PRPH2: variants seen among roughly 807,000 people sequenced by gnomAD.
PRPH2 encodes the protein peripherin 2.
PRPH2 carries 17 observed loss-of-function variants against 31.3 expected under a neutral mutation model. That is an observed-to-expected ratio of 0.54 (90% CI 0.37 to 0.81). The LOEUF is 0.81. PRPH2 is among the 40% of genes least tolerant of loss of function. The probability of loss-of-function intolerance (pLI) is 0.00; values close to 1 mark genes in which losing one functional copy is unlikely to be tolerated. For synonymous variants in PRPH2, 165 were observed against 184.4 expected (o/e 0.89, Z 0.85); for missense variants, 430 against 439.7 (o/e 0.98, Z 0.20).
At chr6:42,703,127 A>G (rs922837165) in intron 2 of PRPH2, among the ~76,000 whole-genome samples, 6 of 145,800 alleles carry the variant, frequency 4.1e-5, no homozygotes, top group Non-Finnish European at 6.0e-5. Flanking sequence ...CCAGGAGTTC[A>G]AGGCTGCAGT....
At chr6:42,698,590 T>C in intron 2 of PRPH2, 83 bp from the exon 3 acceptor site, 2 of 1,576,218 alleles carry the variant, frequency 1.3e-6, no homozygotes, top group Non-Finnish European at 8.6e-7. Flanking sequence ...GAGCCTCAAA[T>C]TGAGGGTCCC....
chr6:42,721,548 G>C (rs1366930204), intron 1 of PRPH2, among the ~76,000 whole-genome samples: 1 of 152,148 alleles, frequency 6.6e-6, no homozygotes, highest in Non-Finnish European at 1.5e-5. Context: ...ACCCTATGAA[G>C]TTGTCATTTT....
chr6:42,702,850 A>G (rs775118196), intron 2 of PRPH2, among the ~76,000 whole-genome samples: 21 of 151,782 alleles, frequency 1.4e-4, no homozygotes, highest in Admixed American at 2.6e-4. Context: ...AGCCTGGGTG[A>G]CAGAGCAAGA....
At chr6:42,710,330 C>T (rs1349686783) in intron 1 of PRPH2, among the ~76,000 whole-genome samples, 1 of 152,214 alleles carries the variant, frequency 6.6e-6, no homozygotes, top group Non-Finnish European at 1.5e-5. Context: ...TGGGAACTTC[C>T]CAGTGTATTC....
chr6:42,714,234 A>AG (rs1349534406), intron 1 of PRPH2, among the ~76,000 whole-genome samples: 2 of 152,222 alleles, frequency 1.3e-5, no homozygotes, highest in Admixed American at 6.5e-5. Context: ...AAGTGAAAGA[A>AG]GGCAGACACA....
intron 1 of PRPH2, among the ~76,000 whole-genome samples, chr6:42,716,176 C>T (rs1198895734): frequency 6.6e-6 from 1 of 152,092 alleles, no homozygotes; most frequent in African/African-American, 2.4e-5. Flanking sequence ...GATCGCTTCC[C>T]CACAGTCCTC....
chr6:42,716,088 A>G (rs1275883464), intron 1 of PRPH2, among the ~76,000 whole-genome samples: 1 of 152,192 alleles, frequency 6.6e-6, no homozygotes, highest in East Asian at 1.9e-4. Flanking sequence ...GACACCGCCC[A>G]TGCCCAGTCT....
chr6:42,701,161 G>T (rs183285293), intron 2 of PRPH2, among the ~76,000 whole-genome samples: 1 of 151,748 alleles, frequency 6.6e-6, no homozygotes, highest in Non-Finnish European at 1.5e-5. Flanking sequence ...TTTTGTTTTT[G>T]TTGCTCAAGC....
At chr6:42,700,141 T>G (rs1413289505) in intron 2 of PRPH2, among the ~76,000 whole-genome samples, 1 of 152,136 alleles carries the variant, frequency 6.6e-6, no homozygotes, top group Non-Finnish European at 1.5e-5. Context: ...AATTTTTATA[T>G]TTTTTGTAGA....
chr6:42,698,426 G>GCT lies in PRPH2; in HGVS notation c.909_910insAG (p.Gln304SerfsTer21). 3 of 1,613,972 alleles carry GCT rather than the reference G, an allele frequency of 1.9e-6. No homozygotes were observed. Among genetic ancestry groups the GCT allele is most frequent in the Non-Finnish European group, 2.5e-6 (3 of 1,179,994 alleles). ...ACGCTCCTCTCCAGCAGCCAGCCCT[G>GCT]GCTCTCGCTCTCAGATTCCTCGGGG... On this transcript the variant is annotated frameshift_variant, in exon 3 of 3. Coordinates refer to ENST00000230381, the MANE Select transcript of PRPH2 (RefSeq NM_000322.5). LOFTEE classifies it high-confidence loss of function.
intron 1 of PRPH2, among the ~76,000 whole-genome samples, chr6:42,706,283 T>C (rs1218984408): frequency 1.3e-5 from 2 of 151,926 alleles, no homozygotes; most frequent in African/African-American, 2.4e-5. Context: ...CGGGCTCTTG[T>C]AGTCCCAGAT....
chr6:42,705,926 T>C (rs1255377826), intron 1 of PRPH2, among the ~76,000 whole-genome samples: 7 of 141,380 alleles, frequency 5.0e-5, no homozygotes, highest in Admixed American at 4.4e-4. Flanking sequence ...ACCACTGCAC[T>C]CCAGCCCGTA....
chr6:42,721,654 G>C (rs1437669032), intron 1 of PRPH2, 100 bp downstream of exon 1: 1 of 1,393,180 alleles, frequency 7.2e-7, no homozygotes, highest in African/African-American at 1.4e-5. Flanking sequence ...CGATGGAGAG[G>C]AAAAGGCACT....
chr6:42,701,651 A>G (rs429655), intron 2 of PRPH2, among the ~76,000 whole-genome samples: 143,890 of 147,760 alleles, frequency 0.97, 70,084 homozygotes, highest in East Asian at 1. Flanking sequence ...TGAGTAGCTG[A>G]GACTATAGGC....
intron 1 of PRPH2, among the ~76,000 whole-genome samples, chr6:42,705,958 CAAA>C (rs36068676): frequency 2.2e-5 from 3 of 134,376 alleles, no homozygotes. Flanking sequence ...GACCCCGTCT[CAAA>C]AAAAAAAAAA....
intron 1 of PRPH2, 110 bp downstream of exon 1, chr6:42,721,644 C>G: frequency 1.6e-6 from 2 of 1,279,254 alleles, no homozygotes; most frequent in Non-Finnish European, 2.3e-6. Context: ...GTTGTGCACC[C>G]GATGGAGAGG....
At chr6:42,710,576 C>T (rs986843611) in intron 1 of PRPH2, among the ~76,000 whole-genome samples, 2 of 152,132 alleles carry the variant, frequency 1.3e-5, no homozygotes, top group Admixed American at 6.6e-5. Flanking sequence ...AGTGGTGAGC[C>T]GGCTATTTAT....
At chr6:42,710,956 C>T (rs1187113682) in intron 1 of PRPH2, among the ~76,000 whole-genome samples, 3 of 152,124 alleles carry the variant, frequency 2.0e-5, no homozygotes, top group African/African-American at 4.8e-5. Context: ...TTTAAACACT[C>T]GACAGGGGAT....
chr6:42,699,961 A>G (rs1582761054), intron 2 of PRPH2, among the ~76,000 whole-genome samples: 1 of 55,148 alleles, frequency 1.8e-5, no homozygotes. Flanking sequence ...TATTGTTTTC[A>G]CTTTTTTTTT....
Sources: gnomAD v4.1 joint callset for allele counts (sites outside exome capture counted in the v4.1 genomes callset) on GRCh38, gnomAD v4.1.1 for gene constraint, MANE v1.5 for transcripts, NCBI Gene and HGNC (gene_info 2026-07-23, HGNC 2026-07-21) for gene names.